Variants in RAB10 observed in about 807,000 individuals in gnomAD.
RAB10 encodes RAB10, member RAS oncogene family, also known as ras-related protein Rab-10.
A neutral mutation model predicts 25.7 loss-of-function variants in RAB10; 5 were observed. The observed-to-expected ratio is 0.19, with a 90% CI of 0.10 to 0.41. The LOEUF (loss-of-function observed/expected upper bound fraction) is 0.41. Ranked by LOEUF, RAB10 falls within the 10% of genes least tolerant of loss-of-function variation. RAB10 has a pLI of 1.00. For synonymous variants in RAB10, 89 were observed against 86.4 expected, an observed-to-expected ratio of 1.03 and a Z score of -0.16; for missense variants, 103 against 245.8, an observed-to-expected ratio of 0.42 and a Z score of 3.89.
chr2:26,051,610 C>T (rs545714093), intron 1 of RAB10, among the ~76,000 whole-genome samples: 130 of 150,892 alleles, frequency 8.6e-4, no homozygotes, highest in African/African-American at 2.9e-3. Flanking sequence ...AAAAAAAAGC[C>T]GGACGTGGTG....
At chr2:26,097,011 G>A (rs555478341) in intron 1 of RAB10, among the ~76,000 whole-genome samples, 181 of 152,174 alleles carry the variant, frequency 1.2e-3, no homozygotes, top group African/African-American at 4.1e-3. Context: ...CACTTTGAGC[G>A]TTCGAGACCA....
chr2:26,109,347 C>G (rs1197172083), intron 2 of RAB10, among the ~76,000 whole-genome samples: 1 of 152,160 alleles, frequency 6.6e-6, no homozygotes, highest in Non-Finnish European at 1.5e-5. Flanking sequence ...TGGCTTTAAG[C>G]ATTAAATAAT....
chr2:26,110,683 T>C (rs2149284190), intron 3 of RAB10, among the ~76,000 whole-genome samples: 1 of 152,298 alleles, frequency 6.6e-6, no homozygotes, highest in East Asian at 1.9e-4. Context: ...TTCCATTGCA[T>C]GTGAAAATGT....
chr2:26,098,109 C>CTTTTTTTTT (rs57174956), intron 1 of RAB10, among the ~76,000 whole-genome samples: 8 of 52,726 alleles, frequency 1.5e-4, no homozygotes, highest in African/African-American at 2.3e-4. Context: ...TTCTTTCTTT[C>CTTTTTTTTT]TTTTTTTTTT....
chr2:26,034,210 G>A lies in RAB10; in HGVS notation c.-399G>A. The A allele has an allele frequency of 2.3e-6, 1 of 427,320 alleles. No homozygotes were observed. Among genetic ancestry groups the A allele is most frequent in the Non-Finnish European group, 4.1e-6 (1 of 241,552 alleles). The allele number at this position is 427,320 out of a possible 1,614,324, so 26.5% of individuals were successfully genotyped here. ...TTAGGGGTCCTTCTTCGCTGCCCTC[G>A]CCGCGTGCTAGCAGGGAGTTTCCGC... is the stretch of plus-strand genomic sequence containing the variant. On this transcript the variant is annotated 5_prime_UTR_variant, in exon 1 of 6. Coordinates refer to ENST00000264710, the MANE Select transcript of RAB10 (RefSeq NM_016131.5).
At position 26,034,621 on chromosome 2, in the gene RAB10, A is replaced by T; in HGVS notation, c.13A>T (p.Thr5Ser). 6.2e-7 allele frequency: 1 copy of T among 1,613,730 alleles called. No individual in the cohort carries two copies. Among genetic ancestry groups the T allele is most frequent in the Non-Finnish European group, 8.5e-7 (1 of 1,180,040 alleles). The change falls in exon 1 of 6, where the codon ACG (threonine) becomes TCG (serine). Residue 5 changes from threonine to serine, a missense_variant. Physicochemically the swap from Thr to Ser is moderately conservative, Grantham distance 58. Transcript: ENST00000264710. Reference protein sequence around the residue: MAKKTYDLLFKLLLI... With the variant: MAKKSYDLLFKLLLI... ...GCCGCTCCTCCCAATGGCGAAGAAG[A>T]CGTACGACCTGCTTTTCAAGCTGCT...
intron 1 of RAB10, among the ~76,000 whole-genome samples, chr2:26,084,958 G>C (rs988872370): frequency 2.6e-5 from 4 of 152,074 alleles, no homozygotes; most frequent in Non-Finnish European, 5.9e-5. Context: ...ATATTGCATT[G>C]TACTAGAAAT....
intron 3 of RAB10, among the ~76,000 whole-genome samples, chr2:26,125,137 G>T (rs1199247266): frequency 6.6e-6 from 1 of 152,102 alleles, no homozygotes; most frequent in Non-Finnish European, 1.5e-5. Context: ...GGAATTGCTG[G>T]ATCATATGAT....
At chr2:26,116,791 C>T (rs1367136976) in intron 3 of RAB10, among the ~76,000 whole-genome samples, 3 of 151,760 alleles carry the variant, frequency 2.0e-5, no homozygotes, top group Non-Finnish European at 4.4e-5. Context: ...CTCCTGACCT[C>T]ATGATCTGCC....
chr2:26,073,179 GTGT>G (rs1666663802), intron 1 of RAB10, among the ~76,000 whole-genome samples: 2 of 152,206 alleles, frequency 1.3e-5, no homozygotes, highest in Non-Finnish European at 2.9e-5. Flanking sequence ...TTTGGGAATA[GTGT>G]TGTTGATTTT....
At chr2:26,085,016 A>G (rs975791067) in intron 1 of RAB10, among the ~76,000 whole-genome samples, 6 of 152,206 alleles carry the variant, frequency 3.9e-5, no homozygotes, top group Non-Finnish European at 5.9e-5. Context: ...GTAGTTGGCA[A>G]AAGTTCAATT....
intron 1 of RAB10, among the ~76,000 whole-genome samples, chr2:26,090,512 T>A (rs1236815102): frequency 1.3e-5 from 2 of 150,186 alleles, no homozygotes; most frequent in Middle Eastern, 3.4e-3. Flanking sequence ...CTTTTTTTTT[T>A]ATTATTTTCT....
chr2:26,121,660 A>G (rs1667805391), intron 3 of RAB10, among the ~76,000 whole-genome samples: 1 of 152,242 alleles, frequency 6.6e-6, no homozygotes, highest in Non-Finnish European at 1.5e-5. Flanking sequence ...CTATTTTATT[A>G]CTACCATAAA....
intron 1 of RAB10, among the ~76,000 whole-genome samples, chr2:26,048,037 G>GTTTT (rs61183627): frequency 2.2e-5 from 3 of 134,672 alleles, no homozygotes; most frequent in Non-Finnish European, 3.3e-5. Flanking sequence ...GGGCCCATTA[G>GTTTT]TTTTTTTTTT....
In RAB10 at chr2:26,037,605, C is replaced by T. The variant is rs139717228; in HGVS notation, c.127+2870C>T. Among the ~76,000 whole-genome samples the T allele has an allele frequency of 5.4e-3, 814 of 151,684 alleles. 4 individuals are homozygous for T. Among genetic ancestry groups the T allele is most frequent in the Non-Finnish European group, 7.6e-3 (517 of 67,922 alleles). ...GGTGAGCCGAGATCGTGCCATTGCACTCCAGCCTGGGCAACAAGAGTGAAA... is the reference window on the plus strand; with the variant it reads ...GGTGAGCCGAGATCGTGCCATTGCATTCCAGCCTGGGCAACAAGAGTGAAA... On this transcript the variant is annotated intron_variant, in intron 1 of 5. Coordinates refer to ENST00000264710, the MANE Select transcript of RAB10 (RefSeq NM_016131.5).
At chr2:26,038,537 A>C (rs534174947) in intron 1 of RAB10, among the ~76,000 whole-genome samples, 1 of 152,220 alleles carries the variant, frequency 6.6e-6, no homozygotes, top group Admixed American at 6.5e-5. Context: ...AAATGTTTTC[A>C]CATATAAGAT....
chr2:26,133,434 T>G (rs1668047233), intron 5 of RAB10, among the ~76,000 whole-genome samples: 1 of 152,070 alleles, frequency 6.6e-6, no homozygotes, highest in African/African-American at 2.4e-5. Context: ...GAAATCAGAA[T>G]ATTGGGTAAC....
intron 1 of RAB10, among the ~76,000 whole-genome samples, chr2:26,035,065 T>C (rs1574520508): frequency 6.6e-6 from 1 of 152,338 alleles, no homozygotes; most frequent in Admixed American, 6.5e-5. Context: ...ATGTGTGATA[T>C]TTTTAAGGTA....
rs1208478980 is a variant in RAB10, at chr2:26,135,413, G to A, written c.*392G>A. 1 of 157,992 alleles carries A rather than the reference G, an allele frequency of 6.3e-6. No individual in the cohort carries two copies. The highest frequency in any genetic ancestry group is 2.4e-5 in the African/African-American group (1 of 41,590). 9.8% of individuals were successfully genotyped at this position (157,992 alleles called of 1,614,324 possible). A position where few individuals can be genotyped will look rare whatever the true frequency, so the allele number is the denominator to read the frequency against. On this transcript the variant is annotated 3_prime_UTR_variant, in exon 6 of 6. Coordinates refer to ENST00000264710, the MANE Select transcript of RAB10 (RefSeq NM_016131.5). ...GTACAACAGTGGAATTTTCTGTCAT[G>A]GATAATGTGCTTGAGTCCCTATAAT...
Sources: allele counts gnomAD v4.1 joint callset (sites outside exome capture counted in the v4.1 genomes callset), GRCh38; gene constraint gnomAD v4.1.1; transcripts MANE v1.5; gene names NCBI Gene and HGNC (gene_info 2026-07-23, HGNC 2026-07-21).